FMO3: variants seen among roughly 807,000 people sequenced by gnomAD.
FMO3 encodes the protein flavin-containing monooxygenase 3.
FMO3 carries 40 observed loss-of-function variants against 39.4 expected under a neutral mutation model. That is an observed-to-expected ratio of 1.02 (90% CI 0.79 to 1.32). The LOEUF is 1.32. Among genes scored for constraint, FMO3 ranks in the 40% most tolerant of loss-of-function variants. FMO3 has a pLI of 0.00. For synonymous variants in FMO3, 219 were observed against 228.8 expected (o/e 0.96, Z 0.39); for missense variants, 680 against 651.8 (o/e 1.04, Z -0.47).
intron 8 of FMO3, among the ~76,000 whole-genome samples, chr1:171,116,817 T>C (rs1158512435): frequency 6.6e-6 from 1 of 152,144 alleles, no homozygotes; most frequent in African/African-American, 2.4e-5. Flanking sequence ...CATTTGTAAA[T>C]AAGGATAAAA....
At chr1:171,113,031 T>A (rs1655983300) in intron 6 of FMO3, among the ~76,000 whole-genome samples, 1 of 152,086 alleles carries the variant, frequency 6.6e-6, no homozygotes, top group African/African-American at 2.4e-5. Context: ...AAAGGGAAAG[T>A]GAGGGTGGAC....
rs1488026761 is a variant in FMO3 at position 171,114,167 on chromosome 1, G to C, written c.988G>C (p.Gly330Arg). The change falls in exon 7 of 9, where the codon GGG becomes CGG. Residue 330 changes from glycine to arginine, a missense_variant. Gly to Arg is a moderately radical substitution (Grantham distance 125). Transcript: ENST00000367755. Reference protein sequence around the residue: ...EGIDCVIFATGYSFAYPFLDE... With the variant: ...EGIDCVIFATRYSFAYPFLDE... ...CATTGACTGTGTAATCTTTGCAACAGGGTATAGTTTTGCCTACCCCTTCCT... is the reference window on the plus strand; with the variant it reads ...CATTGACTGTGTAATCTTTGCAACACGGTATAGTTTTGCCTACCCCTTCCT... The C allele has an allele frequency of 6.2e-7, 1 of 1,614,020 alleles. No homozygotes were observed. Among genetic ancestry groups the C allele is most frequent in the South Asian group, 1.1e-5 (1 of 91,080 alleles).
In FMO3 at chr1:171,092,749, T is replaced by A; in HGVS notation, c.91T>A (p.Phe31Ile). Reference protein sequence around the residue: ...CLEEGLEPTCFEKSNDIGGLW... With the variant: ...CLEEGLEPTCIEKSNDIGGLW... The stretch of plus-strand genomic sequence containing the variant: ...GGAAGAGGGGCTGGAGCCCACCTGC[T>A]TTGAGAAGAGCAATGACATTGGGGG... The change falls in exon 2 of 9, where the codon TTT becomes ATT. Residue 31 changes from phenylalanine to isoleucine, a missense_variant. Phe to Ile is a conservative substitution (Grantham distance 21). Coordinates refer to ENST00000367755, the MANE Select transcript of FMO3 (RefSeq NM_001002294.3). 1 of 1,614,070 alleles carries A rather than the reference T, an allele frequency of 6.2e-7. No homozygotes were observed. The highest frequency in any genetic ancestry group is 8.5e-7 in the Non-Finnish European group (1 of 1,180,014).
At position 171,117,449 on chromosome 1, in the gene FMO3, T is replaced by C. The variant is rs199556953; in HGVS notation, c.*7T>C. The C allele has an allele frequency of 8.7e-6, 14 of 1,610,182 alleles. No individual in the cohort carries two copies. In the African/African-American group the frequency reaches 9.4e-5, roughly 11 times the overall value. On this transcript the variant is annotated 3_prime_UTR_variant, in exon 9 of 9. Transcript: ENST00000367755. ...TTTCCTTGTGTTGACCTAATCATCA[T>C]TTTCTCTAGGATTTCTGAAAGTTAC...
intron 2 of FMO3, among the ~76,000 whole-genome samples, chr1:171,097,972 G>A (rs987123008): frequency 1.3e-5 from 2 of 152,134 alleles, no homozygotes; most frequent in Admixed American, 1.3e-4. Context: ...TTTGTATAAG[G>A]TGTAAGTAAG....
chr1:171,103,665 G>A lies in FMO3; in HGVS notation c.133-120G>A, dbSNP rs894273587. ...AGCATTCGTAGATTTTGGTAACCACGGAGGTCCTGGAACCTTCCATAGATA... is the reference window on the plus strand; with the variant it reads ...AGCATTCGTAGATTTTGGTAACCACAGAGGTCCTGGAACCTTCCATAGATA... On this transcript the variant is annotated intron_variant, in intron 2 of 8. Transcript: ENST00000367755. 1.2e-4 allele frequency: 100 copies of A among 824,768 alleles called. No individual in the cohort carries two copies. In the East Asian group the frequency reaches 2.2e-3, roughly 18 times the overall value. 51.1% of individuals were successfully genotyped at this position (824,768 alleles called of 1,614,324 possible). A position where few individuals can be genotyped will look rare whatever the true frequency, so the allele number is the denominator to read the frequency against.
rs1656217351 is a variant in FMO3 at position 171,117,475 on chromosome 1, T to A, written c.*33T>A. ...TTTCTCTAGGATTTCTGAAAGTTAC[T>A]GACAATACCCAGACAGGGGCTTTGC... On this transcript the variant is annotated 3_prime_UTR_variant, in exon 9 of 9. Coordinates refer to ENST00000367755, the MANE Select transcript of FMO3 (RefSeq NM_001002294.3). The A allele has an allele frequency of 6.4e-7, 1 of 1,561,428 alleles. No homozygotes were observed. The highest frequency in any genetic ancestry group is 1.7e-5 in the Admixed American group (1 of 59,548).
chr1:171,096,227 TAA>T (rs1655033985), intron 2 of FMO3, among the ~76,000 whole-genome samples: 4 of 50,302 alleles, frequency 8.0e-5, no homozygotes, highest in Non-Finnish European at 1.1e-4. Context: ...TATAAATACA[TAA>T]AATATATTAT....
intron 8 of FMO3, 22 bp from the exon 9 acceptor site, chr1:171,117,078 G>A (rs759167221): frequency 1.3e-6 from 2 of 1,572,988 alleles, no homozygotes; most frequent in South Asian, 1.1e-5. Flanking sequence ...ATCCACAGTG[G>A]TGTTTTCTCT....
intron 2 of FMO3, among the ~76,000 whole-genome samples, chr1:171,098,467 G>T (rs1406761935): frequency 6.6e-6 from 1 of 152,062 alleles, no homozygotes; most frequent in Non-Finnish European, 1.5e-5. Flanking sequence ...TCATTTTGTT[G>T]AGCAGTGGTT....
chr1:171,116,798 C>A (rs898988420), intron 8 of FMO3, among the ~76,000 whole-genome samples: 9 of 152,126 alleles, frequency 5.9e-5, no homozygotes, highest in African/African-American at 9.7e-5. Flanking sequence ...GAGCAAGAGG[C>A]AATCTATCCA....
At chr1:171,095,059 G>C (rs1248959569) in intron 2 of FMO3, among the ~76,000 whole-genome samples, 2 of 152,134 alleles carry the variant, frequency 1.3e-5, no homozygotes, top group African/African-American at 4.8e-5. Flanking sequence ...CCATGAGCAT[G>C]AGATGTTTTA....
chr1:171,096,994 A>T (rs1318713108), intron 2 of FMO3, among the ~76,000 whole-genome samples: 3 of 150,258 alleles, frequency 2.0e-5, no homozygotes, highest in South Asian at 2.1e-4. Context: ...CCTGTGTCCA[A>T]GTGTTCTCAT....
At chr1:171,092,977 G>A (rs1273554557) in intron 2 of FMO3, among the ~76,000 whole-genome samples, 187 bp downstream of exon 2, 1 of 152,158 alleles carries the variant, frequency 6.6e-6, no homozygotes, top group Non-Finnish European at 1.5e-5. Context: ...AAGTAAATTA[G>A]ACAATGGGCT....
At chr1:171,107,947 T>A in intron 4 of FMO3, 110 bp downstream of exon 4, 1 of 1,348,022 alleles carries the variant, frequency 7.4e-7, no homozygotes, top group Non-Finnish European at 1.1e-6. Flanking sequence ...TATACTTCTG[T>A]TATATCTAAT....
chr1:171,092,903 A>G, intron 2 of FMO3, 113 bp downstream of exon 2: 5 of 1,155,320 alleles, frequency 4.3e-6, no homozygotes, highest in Non-Finnish European at 5.1e-6. Context: ...CATATCTGTT[A>G]GAATTGGAAT....
chr1:171,111,560 C>T lies in FMO3; in HGVS notation c.827+563C>T, dbSNP rs28363569. On this transcript the variant is annotated intron_variant, in intron 6 of 8. Coordinates refer to ENST00000367755, the MANE Select transcript of FMO3 (RefSeq NM_001002294.3). ...GTTTCATGTCCTACCTTTCCCTCTT[C>T]GTTTCATCACCCACCCCTTAATGGA... 2.0e-4 allele frequency among the ~76,000 whole-genome samples: 30 copies of T among 152,218 alleles called. No individual in the cohort carries two copies. In the East Asian group the frequency reaches 5.4e-3, roughly 27 times the overall value.
At chr1:171,116,512 A>G (rs1377186319) in intron 8 of FMO3, among the ~76,000 whole-genome samples, 2 of 152,240 alleles carry the variant, frequency 1.3e-5, no homozygotes, top group Non-Finnish European at 2.9e-5. Context: ...TTGAGAATCT[A>G]CATTACATAG....
intron 2 of FMO3, among the ~76,000 whole-genome samples, chr1:171,096,442 TTATATATTAAA>T (rs1655061294): frequency 9.5e-6 from 1 of 105,102 alleles, no homozygotes; most frequent in South Asian, 3.3e-4. Context: ...ATTACATATT[TTATATATTAAA>T]TATATATTAA....
Sources: gnomAD v4.1 joint callset for allele counts (sites outside exome capture counted in the v4.1 genomes callset) on GRCh38, gnomAD v4.1.1 for gene constraint, MANE v1.5 for transcripts, NCBI Gene and HGNC (gene_info 2026-07-23, HGNC 2026-07-21) for gene names.